Variants in ADAMTS9 observed in about 807,000 individuals in gnomAD.
ADAMTS9 encodes ADAM metallopeptidase with thrombospondin type 1 motif 9, also known as A disintegrin and metalloproteinase with thrombospondin motifs 9.
Under a neutral mutation model 257.1 loss-of-function variants are expected in ADAMTS9, and 107 were observed. The observed-to-expected ratio is 0.42, with a 90% CI of 0.36 to 0.49. ADAMTS9 has a LOEUF of 0.49. Among genes scored for constraint, ADAMTS9 ranks in the 20% least tolerant of loss-of-function variants. The pLI, the probability that ADAMTS9 is intolerant of heterozygous loss-of-function variation, is 0.03. For missense variants in ADAMTS9, 2,353 were observed against 2,469.1 expected, an observed-to-expected ratio of 0.95 and a Z score of 1.00; for synonymous variants, 982 against 880.9, an observed-to-expected ratio of 1.11 and a Z score of -2.03.
intron 30 of ADAMTS9, among the ~76,000 whole-genome samples, chr3:64,551,948 T>C (rs2106934608): frequency 6.6e-6 from 1 of 152,306 alleles, no homozygotes; most frequent in Non-Finnish European, 1.5e-5. Context: ...CACATCATTC[T>C]GCAAATATTC....
chr3:64,631,986 T>C (rs994298353), intron 14 of ADAMTS9, 61 bp from the exon 15 acceptor site: 1 of 1,272,766 alleles, frequency 7.9e-7, no homozygotes. Flanking sequence ...AAATGGCAAA[T>C]AATGTGTTTC....
At chr3:64,561,517 A>T in intron 30 of ADAMTS9, 61 bp downstream of exon 30, 1 of 1,545,868 alleles carries the variant, frequency 6.5e-7, no homozygotes, top group East Asian at 2.3e-5. Flanking sequence ...AACAGATGTG[A>T]GGATAGCAAG....
In ADAMTS9 at chr3:64,542,430, C is replaced by CTTTTTTT. The variant is rs56812239; in HGVS notation, c.5065-467_5065-461dup. Among the ~76,000 whole-genome samples, 110 of 124,534 alleles carry CTTTTTTT rather than the reference C, an allele frequency of 8.8e-4. 2 individuals carry two copies. Among genetic ancestry groups the CTTTTTTT allele is most frequent in the Admixed American group, 6.6e-3 (69 of 10,508 alleles). The allele number at this position is 124,534 out of a possible 152,430, so 81.7% of individuals were successfully genotyped here. A position where few individuals can be genotyped will look rare whatever the true frequency, so the allele number is the denominator to read the frequency against. The stretch of plus-strand genomic sequence containing the variant: ...CTGATCACTTTTCATTTCTTTCTTT[C>CTTTTTTT]TTTTTTTTTTTTTTGAGACAGAGTT... On this transcript the variant is annotated intron_variant, in intron 32 of 39. Coordinates refer to ENST00000498707, the MANE Select transcript of ADAMTS9 (RefSeq NM_182920.2).
intron 39 of ADAMTS9, among the ~76,000 whole-genome samples, chr3:64,518,407 A>G (rs368211950): frequency 6.6e-6 from 1 of 152,260 alleles, no homozygotes. Context: ...GGTCACATGA[A>G]TTGGTTGAGC....
In ADAMTS9 at chr3:64,530,324, C is replaced by T. The variant is rs571208017; in HGVS notation, c.5718+2842G>A. ...AGCATTTTCTCCCAAAAGTGTTGGG[C>T]GGTGGAAGCCTATTTTCAGGTAGCA... is the stretch of plus-strand genomic sequence containing the variant. On this transcript the variant is annotated intron_variant, in intron 38 of 39. Coordinates refer to ENST00000498707, the MANE Select transcript of ADAMTS9 (RefSeq NM_182920.2). Among the ~76,000 whole-genome samples the T allele has an allele frequency of 2.6e-5, 4 of 152,042 alleles. No individual in the cohort carries two copies. In the South Asian group the frequency reaches 8.3e-4, roughly 32 times the overall value.
chr3:64,618,348 A>G (rs1023187947), intron 19 of ADAMTS9, among the ~76,000 whole-genome samples: 1 of 152,202 alleles, frequency 6.6e-6, no homozygotes, highest in African/African-American at 2.4e-5. Context: ...AGTACATATA[A>G]AAGTTAAGTG....
rs527485477 is a variant in ADAMTS9, at chr3:64,656,954, C to T, written c.970-1079G>A. Among the ~76,000 whole-genome samples the T allele has an allele frequency of 4.9e-4, 20 of 40,808 alleles. No homozygotes were observed. The Admixed American group carries it at 8.0e-3, about 16-fold the overall frequency. The allele number at this position is 40,808 out of a possible 152,430, so 26.8% of individuals were successfully genotyped here. On this transcript the variant is annotated intron_variant, in intron 4 of 39. Transcript: ENST00000498707. ...GTTTCAGTTCAGGTAAATCAGGGCT[C>T]GTCTATTAAAAGAAAAGTTATGCTA...
chr3:64,669,599 A>G (rs1375257974), intron 3 of ADAMTS9, among the ~76,000 whole-genome samples: 1 of 152,220 alleles, frequency 6.6e-6, no homozygotes, highest in African/African-American at 2.4e-5. Context: ...AAAGTGAATA[A>G]TGATTAAAAA....
chr3:64,539,120 C>G, intron 37 of ADAMTS9, 83 bp downstream of exon 37: 2 of 1,387,194 alleles, frequency 1.4e-6, no homozygotes, highest in Non-Finnish European at 2.0e-6. Flanking sequence ...TAATCACATT[C>G]CCAGGAACAG....
intron 31 of ADAMTS9, among the ~76,000 whole-genome samples, chr3:64,549,418 C>T (rs1329144136): frequency 6.6e-6 from 1 of 152,130 alleles, no homozygotes; most frequent in African/African-American, 2.4e-5. Context: ...TGAGATCCCC[C>T]TGCGTTGGGA....
intron 30 of ADAMTS9, among the ~76,000 whole-genome samples, chr3:64,558,360 T>C (rs1317360971): frequency 6.6e-6 from 1 of 152,222 alleles, no homozygotes; most frequent in Non-Finnish European, 1.5e-5. Context: ...CAGAGAGTTA[T>C]GGAAAGGGCT....
At chr3:64,610,636 A>G (rs1158348806) in intron 22 of ADAMTS9, among the ~76,000 whole-genome samples, 1 of 152,228 alleles carries the variant, frequency 6.6e-6, no homozygotes, top group East Asian at 1.9e-4. Context: ...TCAAAACCAT[A>G]GTAAGATAAA....
intron 21 of ADAMTS9, among the ~76,000 whole-genome samples, chr3:64,614,254 T>C (rs1398626660): frequency 6.6e-6 from 1 of 152,240 alleles, no homozygotes; most frequent in East Asian, 1.9e-4. Context: ...CTAAGTAAAA[T>C]TTAAACCTAC....
chr3:64,619,848 A>G (rs946687868), intron 19 of ADAMTS9, among the ~76,000 whole-genome samples: 1 of 152,082 alleles, frequency 6.6e-6, no homozygotes, highest in Non-Finnish European at 1.5e-5. Context: ...TTTTTCCCCA[A>G]ACTGTAGTGA....
chr3:64,547,033 G>A, intron 31 of ADAMTS9, 81 bp from the exon 32 acceptor site: 1 of 1,248,846 alleles, frequency 8.0e-7, no homozygotes, highest in South Asian at 1.4e-5. Context: ...TCCACACCAA[G>A]CGCTGACCGT....
At position 64,633,484 on chromosome 3, in the gene ADAMTS9, C is replaced by T; in HGVS notation, c.2163G>A (p.Gln721=). The T allele has an allele frequency of 4.3e-6, 7 of 1,614,066 alleles. No individual in the cohort carries two copies. Among genetic ancestry groups the T allele is most frequent in the Non-Finnish European group, 5.1e-6 (6 of 1,179,982 alleles). ...ATCAAGGACTTACCCGGCAAAGGCC[C>T]TGGACACAGATATCATTTGTGTCCT... ...CGQDTNDICV[Q]GLCRQAGCDH... Residue 721 remains glutamine, a synonymous_variant, in exon 14 of 40, where the codon CAG becomes CAA. Transcript: ENST00000498707.
At chr3:64,527,021 C>T (rs2082918801) in intron 38 of ADAMTS9, among the ~76,000 whole-genome samples, 1 of 152,032 alleles carries the variant, frequency 6.6e-6, no homozygotes, top group Non-Finnish European at 1.5e-5. Context: ...AGTGGGATTC[C>T]ATTATTTAAT....
chr3:64,567,510 T>G (rs1028705320), intron 29 of ADAMTS9, among the ~76,000 whole-genome samples: 1 of 152,120 alleles, frequency 6.6e-6, no homozygotes, highest in African/African-American at 2.4e-5. Flanking sequence ...AGTGTGGAGT[T>G]ACCAGATCTA....
chr3:64,579,409 CT>C (rs1475195192), intron 28 of ADAMTS9, among the ~76,000 whole-genome samples: 1 of 152,060 alleles, frequency 6.6e-6, no homozygotes, highest in Non-Finnish European at 1.5e-5. Flanking sequence ...TAATTCTCAC[CT>C]ACTCTTCTAC....
Sources: allele counts gnomAD v4.1 joint callset (sites outside exome capture counted in the v4.1 genomes callset), GRCh38; gene constraint gnomAD v4.1.1; transcripts MANE v1.5; gene names NCBI Gene and HGNC (gene_info 2026-07-23, HGNC 2026-07-21).